Variants in GALNT13 observed in about 807,000 individuals in gnomAD.
The protein encoded by GALNT13 is polypeptide N-acetylgalactosaminyltransferase 13.
A neutral mutation model predicts 64.2 loss-of-function variants in GALNT13; 28 were observed. The ratio of observed to expected loss-of-function variants is 0.44; its 90% CI spans 0.32 to 0.60. GALNT13 has a LOEUF of 0.60. GALNT13 is among the 20% of genes least tolerant of loss of function. GALNT13 has a pLI of 0.05. For synonymous variants in GALNT13, 214 were observed against 224.6 expected (o/e 0.95, Z 0.42); for missense variants, 577 against 669.8 (o/e 0.86, Z 1.53).
intron 3 of GALNT13, among the ~76,000 whole-genome samples, chr2:154,133,023 A>G (rs1212069677): frequency 6.6e-6 from 1 of 152,216 alleles, no homozygotes; most frequent in African/African-American, 2.4e-5. Context: ...TGTATAGAAT[A>G]GTATGGGAAG....
chr2:154,359,601 A>G (rs1415971569), intron 9 of GALNT13, among the ~76,000 whole-genome samples: 1 of 152,138 alleles, frequency 6.6e-6, no homozygotes. Flanking sequence ...ATCATCTGAT[A>G]CAATGTAAGA....
At chr2:153,484,205 T>C in the GALNT13 span, among the ~76,000 whole-genome samples, 6 of 152,196 alleles carry the variant, frequency 3.9e-5, no homozygotes, top group African/African-American at 1.4e-4. Context: ...CTTTTTACTA[T>C]ACTTATTTGA....
chr2:154,211,663 A>G (rs562329260), intron 4 of GALNT13, among the ~76,000 whole-genome samples: 27 of 150,920 alleles, frequency 1.8e-4, no homozygotes, highest in African/African-American at 6.1e-4. Flanking sequence ...AAAGAAAAGA[A>G]AAGAAAAGAA....
chr2:153,635,744 A>T, the GALNT13 span, among the ~76,000 whole-genome samples: 1 of 152,138 alleles, frequency 6.6e-6, no homozygotes, highest in South Asian at 2.1e-4. Context: ...GACTGGAAAT[A>T]TTCAAATATT....
the GALNT13 span, among the ~76,000 whole-genome samples, chr2:153,809,676 A>G: frequency 3.3e-5 from 5 of 152,178 alleles, no homozygotes; most frequent in Non-Finnish European, 7.3e-5. Flanking sequence ...ATCTTAACAT[A>G]ATTTGGATCA....
chr2:153,551,242 ACT>A, the GALNT13 span, among the ~76,000 whole-genome samples: 1 of 152,038 alleles, frequency 6.6e-6, no homozygotes, highest in Admixed American at 6.6e-5. Context: ...ACAGTGTGAG[ACT>A]CTGCTGACCA....
the GALNT13 span, among the ~76,000 whole-genome samples, chr2:153,332,641 G>T: frequency 6.6e-6 from 1 of 152,012 alleles, no homozygotes; most frequent in Non-Finnish European, 1.5e-5. Flanking sequence ...CTGTTGGAAG[G>T]TAAGATGTGG....
chr2:154,166,405 A>G (rs1685024831), intron 4 of GALNT13, among the ~76,000 whole-genome samples: 1 of 152,190 alleles, frequency 6.6e-6, no homozygotes, highest in Non-Finnish European at 1.5e-5. Context: ...ACTCCATCTC[A>G]ATAAATCAAA....
intron 3 of GALNT13, among the ~76,000 whole-genome samples, chr2:154,012,207 G>A (rs1696682847): frequency 6.6e-6 from 1 of 152,174 alleles, no homozygotes; most frequent in Non-Finnish European, 1.5e-5. Context: ...GCCAGTAACA[G>A]TGTTTTATTT....
the GALNT13 span, among the ~76,000 whole-genome samples, chr2:153,431,002 T>C: frequency 1.3e-5 from 2 of 151,742 alleles, no homozygotes; most frequent in African/African-American, 4.8e-5. Flanking sequence ...ATACAAAAAT[T>C]AGCTGGGCAT....
At chr2:153,687,206 C>G in the GALNT13 span, among the ~76,000 whole-genome samples, 1 of 151,994 alleles carries the variant, frequency 6.6e-6, no homozygotes, top group Non-Finnish European at 1.5e-5. Flanking sequence ...GAAATAGTTT[C>G]TGTAGCAATG....
intron 9 of GALNT13, among the ~76,000 whole-genome samples, chr2:154,321,648 T>C (rs1053670811): frequency 6.6e-6 from 1 of 151,962 alleles, no homozygotes; most frequent in African/African-American, 2.4e-5. Flanking sequence ...TGAGTATTAA[T>C]GAAATAAAGT....
the GALNT13 span, among the ~76,000 whole-genome samples, chr2:153,733,688 A>AT: frequency 6.6e-6 from 1 of 152,140 alleles, no homozygotes; most frequent in South Asian, 2.1e-4. Context: ...TAAAGCTGCT[A>AT]TTGGGCAAAT....
At chr2:153,983,074 C>T (rs1056729313) in intron 3 of GALNT13, among the ~76,000 whole-genome samples, 4 of 151,712 alleles carry the variant, frequency 2.6e-5, no homozygotes, top group Non-Finnish European at 2.9e-5. Context: ...AACTAAAAAG[C>T]GATATTGAAA....
chr2:154,076,150 T>C (rs67377651), intron 3 of GALNT13, among the ~76,000 whole-genome samples: 7,679 of 151,718 alleles, frequency 0.051, 261 homozygotes, highest in South Asian at 0.11. Flanking sequence ...TTAATTCCTA[T>C]TGGAATTTTT....
chr2:153,081,583 GC>G, the GALNT13 span, among the ~76,000 whole-genome samples: 34 of 152,014 alleles, frequency 2.2e-4, no homozygotes, highest in African/African-American at 8.2e-4. Context: ...AAGGTTCTGA[GC>G]TTTATATCCC....
chr2:153,222,332 T>TGGGGGGGGGGGG, the GALNT13 span, among the ~76,000 whole-genome samples: 2 of 103,788 alleles, frequency 1.9e-5, no homozygotes, highest in Admixed American at 1.2e-4. Context: ...GGGGGTGGGG[T>TGGGGGGGGGGGG]GGGGGGGGGG....
chr2:153,864,503 ACATTGAT>A, the GALNT13 span, among the ~76,000 whole-genome samples: 2 of 152,122 alleles, frequency 1.3e-5, no homozygotes, highest in African/African-American at 4.8e-5. Context: ...TGATTTTTGC[ACATTGAT>A]TTTGTATCCT....
At chr2:153,316,669 C>T in the GALNT13 span, among the ~76,000 whole-genome samples, 3 of 106,264 alleles carry the variant, frequency 2.8e-5, no homozygotes, top group Admixed American at 2.7e-4. Context: ...ATTTGTACAA[C>T]GTGTTCACAG....
Sources: gnomAD v4.1 joint callset for allele counts (sites outside exome capture counted in the v4.1 genomes callset) on GRCh38, gnomAD v4.1.1 for gene constraint, MANE v1.5 for transcripts, NCBI Gene and HGNC (gene_info 2026-07-23, HGNC 2026-07-21) for gene names.